Variants in CREM observed in about 807,000 individuals in gnomAD.
The protein encoded by CREM is cAMP-responsive element modulator.
In CREM, 13 loss-of-function variants were observed where a neutral mutation model predicts 37.3. The ratio of observed to expected loss-of-function variants is 0.35; its 90% CI spans 0.23 to 0.55. CREM has a LOEUF of 0.55. Ranked by LOEUF, CREM falls within the 20% of genes least tolerant of loss-of-function variation. CREM has a pLI of 0.88. For synonymous variants in CREM, 124 were observed against 120.2 expected, an observed-to-expected ratio of 1.03 and a Z score of -0.21; for missense variants, 296 against 362.3, an observed-to-expected ratio of 0.82 and a Z score of 1.49.
chr10:35,198,450 G>T (rs1472895237), intron 6 of CREM, among the ~76,000 whole-genome samples: 1 of 151,416 alleles, frequency 6.6e-6, no homozygotes. Context: ...TTGAAACCGG[G>T]AGGCAGAGAT....
intron 3 of CREM, among the ~76,000 whole-genome samples, chr10:35,177,016 T>C (rs1037445716): frequency 1.3e-5 from 2 of 152,204 alleles, no homozygotes; most frequent in African/African-American, 2.4e-5. Context: ...TTTATTTTTG[T>C]TCATTTTTAA....
At chr10:35,188,431 A>G (rs2094748635) in intron 6 of CREM, 43 bp downstream of exon 6, 1 of 1,494,540 alleles carries the variant, frequency 6.7e-7, no homozygotes, top group African/African-American at 1.4e-5. Flanking sequence ...CCTATGGATT[A>G]CTATATCACA....
At chr10:35,159,574 A>G (rs1253866428) in intron 3 of CREM, among the ~76,000 whole-genome samples, 2 of 152,126 alleles carry the variant, frequency 1.3e-5, no homozygotes, top group Non-Finnish European at 2.9e-5. Context: ...ACAAAAATCA[A>G]CTCTTGAAAA....
intron 1 of CREM, among the ~76,000 whole-genome samples, chr10:35,133,651 C>CA (rs1476476584): frequency 6.6e-6 from 1 of 152,200 alleles, no homozygotes; most frequent in Non-Finnish European, 1.5e-5. Flanking sequence ...ATTGTCTTTC[C>CA]AAAGCATTCA....
intron 5 of CREM, among the ~76,000 whole-genome samples, chr10:35,182,647 A>C (rs746977028): frequency 9.9e-5 from 15 of 152,224 alleles, no homozygotes; most frequent in Non-Finnish European, 1.6e-4. Context: ...GATATTTGGC[A>C]GAAGTTGGCC....
At chr10:35,206,442 G>A (rs1020334004) in intron 6 of CREM, among the ~76,000 whole-genome samples, 8 of 152,174 alleles carry the variant, frequency 5.3e-5, no homozygotes, top group African/African-American at 1.7e-4. Context: ...TACCACGTGT[G>A]TGTCTTTCCA....
At chr10:35,149,940 C>CACACACACACACACACA (rs1554890982) in intron 3 of CREM, among the ~76,000 whole-genome samples, 8 of 38,020 alleles carry the variant, frequency 2.1e-4, no homozygotes, top group Non-Finnish European at 2.6e-4. Context: ...ACACACACAC[C>CACACACACACACACACA]CTTGTTAAAA....
At chr10:35,198,959 G>C (rs2095303038) in intron 6 of CREM, among the ~76,000 whole-genome samples, 1 of 152,276 alleles carries the variant, frequency 6.6e-6, no homozygotes, top group African/African-American at 2.4e-5. Context: ...AGACCAGCCT[G>C]GCCAACATGG....
At chr10:35,175,933 T>C (rs201048600) in intron 3 of CREM, 198 of 1,551,746 alleles carry the variant, frequency 1.3e-4, no homozygotes, top group Admixed American at 5.9e-5. Flanking sequence ...AAACTATACA[T>C]GTCCAGGGAG....
rs189338918 is a variant in CREM at position 35,196,822 on chromosome 10, C to T, written c.598+8434C>T. Among the ~76,000 whole-genome samples, 456 of 150,328 alleles carry T rather than the reference C, an allele frequency of 3.0e-3. 2 individuals are homozygous for T. Among genetic ancestry groups the T allele is most frequent in the African/African-American group, 7.8e-3 (319 of 41,004 alleles). Reference sequence around the variant, plus strand: ...CCCTTTGACTTGTCTAAGCATAAGACTCATAACAAAAAATAAATAAAATGA... The same window carrying T: ...CCCTTTGACTTGTCTAAGCATAAGATTCATAACAAAAAATAAATAAAATGA... On this transcript the variant is annotated intron_variant, in intron 6 of 7. Coordinates refer to ENST00000685392, the MANE Select transcript of CREM (RefSeq NM_183011.2).
chr10:35,198,264 T>C (rs1188217147), intron 6 of CREM, among the ~76,000 whole-genome samples: 1 of 151,912 alleles, frequency 6.6e-6, no homozygotes, highest in African/African-American at 2.4e-5. Flanking sequence ...GTGGCTCACG[T>C]CTGTAATCCC....
intron 6 of CREM, among the ~76,000 whole-genome samples, chr10:35,202,965 G>A (rs1408761143): frequency 1.3e-5 from 2 of 152,152 alleles, no homozygotes; most frequent in African/African-American, 2.4e-5. Flanking sequence ...TCCCTTGAGG[G>A]TGGTTGTTGC....
At position 35,187,235 on chromosome 10, in the gene CREM, T is replaced by C. The variant is rs535993941; in HGVS notation, c.410-965T>C. ...TATATATTTATATATATAAAATATA[T>C]AATTATATATAACATATATAATTAT... On this transcript the variant is annotated intron_variant, in intron 5 of 7. Coordinates refer to ENST00000685392, the MANE Select transcript of CREM (RefSeq NM_183011.2). 8.5e-3 allele frequency among the ~76,000 whole-genome samples: 934 copies of C among 110,308 alleles called. 6 individuals carry two copies. Among genetic ancestry groups the C allele is most frequent in the South Asian group, 0.04 (170 of 4,246 alleles). 72.4% of individuals were successfully genotyped at this position (110,308 alleles called of 152,430 possible).
At chr10:35,189,504 G>GTTTATTTA (rs576826559) in intron 6 of CREM, among the ~76,000 whole-genome samples, 7 of 121,706 alleles carry the variant, frequency 5.8e-5, no homozygotes, top group South Asian at 2.6e-4. Flanking sequence ...TTGTTTGTTT[G>GTTTATTTA]TTTATTTATT....
intron 1 of CREM, among the ~76,000 whole-genome samples, chr10:35,137,178 T>TAAAG (rs2090675751): frequency 6.6e-6 from 1 of 151,926 alleles, no homozygotes; most frequent in African/African-American, 2.4e-5. Flanking sequence ...TATATATTTT[T>TAAAG]AAAGATATTA....
chr10:35,127,310 G>A (rs2087983651), intron 1 of CREM, 117 bp downstream of exon 1: 1 of 152,632 alleles, frequency 6.6e-6, no homozygotes, highest in African/African-American at 2.4e-5. Flanking sequence ...CAGAGGCCGA[G>A]CGGAGCCGTG....
chr10:35,211,912 C>G lies in CREM; in HGVS notation c.*514C>G. The G allele has an allele frequency of 9.2e-7, 1 of 1,082,520 alleles. No individual in the cohort carries two copies. Among genetic ancestry groups the G allele is most frequent in the Non-Finnish European group, 1.3e-6 (1 of 792,812 alleles). The allele number at this position is 1,082,520 out of a possible 1,614,324, so 67.1% of individuals were successfully genotyped here. On this transcript the variant is annotated 3_prime_UTR_variant, in exon 8 of 8. Coordinates refer to ENST00000685392, the MANE Select transcript of CREM (RefSeq NM_183011.2). Reference sequence around the variant, plus strand: ...TTTTCTTTGTATCATTCATCTTCTTCTTTAATCACTTAACATTCCTAAAAT... The same window carrying G: ...TTTTCTTTGTATCATTCATCTTCTTGTTTAATCACTTAACATTCCTAAAAT...
intron 2 of CREM, among the ~76,000 whole-genome samples, chr10:35,138,456 T>C (rs2090935770): frequency 6.6e-6 from 1 of 152,168 alleles, no homozygotes; most frequent in African/African-American, 2.4e-5. Context: ...TGAAAAATTT[T>C]TTCAAGGGTA....
At chr10:35,209,874 T>C (rs2095625797) in intron 7 of CREM, among the ~76,000 whole-genome samples, 1 of 152,204 alleles carries the variant, frequency 6.6e-6, no homozygotes, top group Non-Finnish European at 1.5e-5. Context: ...AATTTTACAT[T>C]TTAAATTTCT....
Sources: allele counts gnomAD v4.1 joint callset (sites outside exome capture counted in the v4.1 genomes callset), GRCh38; gene constraint gnomAD v4.1.1; transcripts MANE v1.5; gene names NCBI Gene and HGNC (gene_info 2026-07-23, HGNC 2026-07-21).